ARHGEF10: variants seen among roughly 807,000 people sequenced by gnomAD.
The protein encoded by ARHGEF10 is Rho guanine nucleotide exchange factor 10.
A neutral mutation model predicts 147.4 loss-of-function variants in ARHGEF10; 140 were observed. The observed-to-expected ratio is 0.95, with a 90% CI of 0.83 to 1.09. ARHGEF10 has a LOEUF of 1.09. ARHGEF10 is among the 50% of genes least tolerant of loss of function. The pLI, the probability that ARHGEF10 is intolerant of heterozygous loss-of-function variation, is 0.00. For missense variants in ARHGEF10, 2,222 were observed against 1,752.7 expected, an observed-to-expected ratio of 1.27 and a Z score of -4.78; for synonymous variants, 902 against 695.8, an observed-to-expected ratio of 1.30 and a Z score of -4.67.
intron 8 of ARHGEF10, among the ~76,000 whole-genome samples, chr8:1,879,682 A>G (rs1808012620): frequency 6.6e-6 from 1 of 151,838 alleles, no homozygotes; most frequent in Non-Finnish European, 1.5e-5. Context: ...CCTCCTAAGT[A>G]GCTAGGATCA....
intron 6 of ARHGEF10, among the ~76,000 whole-genome samples, chr8:1,867,965 T>G (rs1283331844): frequency 6.6e-6 from 1 of 152,234 alleles, no homozygotes; most frequent in East Asian, 1.9e-4. Flanking sequence ...ATTAAATTAT[T>G]GTCTTGGCTG....
chr8:1,857,972 A>C lies in ARHGEF10; in HGVS notation c.50A>C (p.Lys17Thr). The change falls in exon 3 of 29, where the codon AAA (lysine) becomes ACA (threonine). Residue 17 changes from lysine (K) to threonine (T), a missense_variant. Lys to Thr is a moderately conservative substitution (Grantham distance 78). Coordinates refer to ENST00000349830, the MANE Select transcript of ARHGEF10 (RefSeq NM_014629.4). ...TTTTTCTTTTTAGAAAATGAAATGA[A>C]ATATGATACCAATAATAATGAAGAG... is the stretch of plus-strand genomic sequence containing the variant. ...LPPAPAENEM[K>T]YDTNNNEEEE... The C allele has an allele frequency of 2.5e-6, 4 of 1,614,024 alleles. No individual in the cohort carries two copies. The highest frequency in any genetic ancestry group is 3.4e-6 in the Non-Finnish European group (4 of 1,179,936).
intron 25 of ARHGEF10, among the ~76,000 whole-genome samples, chr8:1,930,492 C>G (rs76496953): frequency 2.0e-5 from 3 of 148,750 alleles, no homozygotes; most frequent in East Asian, 4.2e-4. Flanking sequence ...TTTTTACCCT[C>G]CCCGCCCCCC....
intron 2 of ARHGEF10, among the ~76,000 whole-genome samples, chr8:1,850,101 G>A (rs13262785): frequency 3.7e-4 from 44 of 119,222 alleles, no homozygotes; most frequent in Middle Eastern, 5.0e-3. Flanking sequence ...TGAGGAGGGC[G>A]TGGGCCGGCT....
At chr8:1,954,051 G>C (rs1279748656) in intron 28 of ARHGEF10, among the ~76,000 whole-genome samples, 1 of 151,978 alleles carries the variant, frequency 6.6e-6, no homozygotes, top group African/African-American at 2.4e-5. Flanking sequence ...GATTGTACAT[G>C]TTGAGGACCC....
chr8:1,927,364 A>G (rs1021859366), intron 23 of ARHGEF10: 37 of 152,232 alleles, frequency 2.4e-4, no homozygotes, highest in African/African-American at 8.4e-4. Context: ...GGATGTCTGT[A>G]TGTAGCGACA....
intron 15 of ARHGEF10, among the ~76,000 whole-genome samples, chr8:1,902,153 C>T (rs1810517285): frequency 6.6e-6 from 1 of 152,100 alleles, no homozygotes. Flanking sequence ...TCCCCTCACC[C>T]CCCGCCCCGC....
At chr8:1,873,653 T>C (rs62477526) in intron 7 of ARHGEF10, among the ~76,000 whole-genome samples, 1,013 of 74,894 alleles carry the variant, frequency 0.014, 8 homozygotes, top group African/African-American at 0.045. Context: ...CCTTGAGAGG[T>C]GCCGCGGGGT....
chr8:1,935,272 C>T (rs1467561997), intron 26 of ARHGEF10, among the ~76,000 whole-genome samples: 59 of 152,118 alleles, frequency 3.9e-4, no homozygotes. Flanking sequence ...GTCAGTGAGC[C>T]TGCATGGGCC....
At chr8:1,924,357 T>C (rs1812527018) in intron 21 of ARHGEF10, among the ~76,000 whole-genome samples, 1 of 152,230 alleles carries the variant, frequency 6.6e-6, no homozygotes, top group South Asian at 2.1e-4. Flanking sequence ...GATGTGACTT[T>C]ATGATTTCCT....
At chr8:1,833,778 C>G (rs555753053) in intron 1 of ARHGEF10, among the ~76,000 whole-genome samples, 2 of 152,240 alleles carry the variant, frequency 1.3e-5, no homozygotes, top group Non-Finnish European at 2.9e-5. Context: ...CTTTAGGAAG[C>G]CCTCCTGGCC....
intron 2 of ARHGEF10, among the ~76,000 whole-genome samples, chr8:1,857,130 A>G (rs569543357): frequency 2.9e-3 from 445 of 152,346 alleles, no homozygotes; most frequent in African/African-American, 1.0e-2. Context: ...CTCTTTAATA[A>G]TTATGGAGGT....
At chr8:1,870,335 C>T (rs1438056041) in intron 7 of ARHGEF10, 1 of 147,888 alleles carries the variant, frequency 6.8e-6, no homozygotes, top group African/African-American at 2.5e-5. Flanking sequence ...ACTTTGAAAC[C>T]AGTAGTGCAA....
In ARHGEF10 at chr8:1,925,316, A is replaced by T. The variant is rs145893322; in HGVS notation, c.2522A>T (p.Glu841Val). 1 of 1,614,196 alleles carries T rather than the reference A, an allele frequency of 6.2e-7. No homozygotes were observed. Among genetic ancestry groups the T allele is most frequent in the Non-Finnish European group, 8.5e-7 (1 of 1,180,038 alleles). ...EENHMGWFCV[E>V]DDGNHIKKEK... ...AACCACATGGGCTGGTTCTGTGTGGAAGACGATGGGAATCACATTAAAAAG... is the reference window on the plus strand; with the variant it reads ...AACCACATGGGCTGGTTCTGTGTGGTAGACGATGGGAATCACATTAAAAAG... The change falls in exon 22 of 29, where the codon GAA becomes GTA. Residue 841 changes from glutamate (E) to valine (V), a missense_variant. Coordinates refer to ENST00000349830, the MANE Select transcript of ARHGEF10 (RefSeq NM_014629.4).
intron 18 of ARHGEF10, among the ~76,000 whole-genome samples, chr8:1,921,164 G>C (rs1812259266): frequency 6.6e-6 from 1 of 152,036 alleles, no homozygotes; most frequent in Non-Finnish European, 1.5e-5. Flanking sequence ...ATACAAATCA[G>C]GCTTACCATG....
intron 11 of ARHGEF10, among the ~76,000 whole-genome samples, chr8:1,889,159 C>T (rs1305301638): frequency 1.8e-5 from 1 of 56,730 alleles, no homozygotes; most frequent in Non-Finnish European, 2.8e-5. Context: ...TGTGAGGAGA[C>T]GCTGAGTTGG....
At chr8:1,899,798 G>A (rs949394472) in intron 15 of ARHGEF10, among the ~76,000 whole-genome samples, 3 of 152,222 alleles carry the variant, frequency 2.0e-5, no homozygotes, top group Admixed American at 6.5e-5. Context: ...GTTGGCTTCC[G>A]GCAAGCAGCC....
Position 1,909,415 on chromosome 8 carries a change from G to C in ARHGEF10, c.2088G>C (p.Arg696Ser), listed in dbSNP as rs1226625936. The C allele has an allele frequency of 8.1e-6, 13 of 1,614,010 alleles. No individual in the cohort carries two copies. Among genetic ancestry groups the C allele is most frequent in the Non-Finnish European group, 1.1e-5 (13 of 1,180,054 alleles). ...GSSAGTGEHS[R>S]HLAVHPPESL... ...GCGCAGGCACGGGCGAGCACAGCAG[G>C]CACCTTGCCGTTCACCCGCCGGAGA... The change falls in exon 18 of 29, where the codon AGG becomes AGC. Residue 696 changes from arginine (R) to serine (S), a missense_variant. Physicochemically the swap from Arg to Ser is moderately radical, Grantham distance 110. Coordinates refer to ENST00000349830, the MANE Select transcript of ARHGEF10 (RefSeq NM_014629.4).
At chr8:1,902,862 G>C (rs1032183322) in intron 15 of ARHGEF10, among the ~76,000 whole-genome samples, 1 of 152,170 alleles carries the variant, frequency 6.6e-6, no homozygotes, top group Non-Finnish European at 1.5e-5. Flanking sequence ...GCAGTATTCG[G>C]CACCACAGTA....
Sources: gnomAD v4.1 joint callset for allele counts (sites outside exome capture counted in the v4.1 genomes callset) on GRCh38, gnomAD v4.1.1 for gene constraint, MANE v1.5 for transcripts, NCBI Gene and HGNC (gene_info 2026-07-23, HGNC 2026-07-21) for gene names.